The following PDE8A variants were observed in gnomAD, a reference collection of about 807,000 sequenced individuals.
The protein encoded by PDE8A is high affinity cAMP-specific and IBMX-insensitive 3',5'-cyclic phosphodiesterase 8A.
A neutral mutation model predicts 105.0 loss-of-function variants in PDE8A; 59 were observed. That is an observed-to-expected ratio of 0.56 (90% CI 0.46 to 0.70). The LOEUF (loss-of-function observed/expected upper bound fraction) is 0.70. Ranked by LOEUF, PDE8A falls within the 30% of genes least tolerant of loss-of-function variation. The pLI, the probability that PDE8A is intolerant of heterozygous loss-of-function variation, is 0.00. For missense variants in PDE8A, 1,014 were observed against 1,045.9 expected, an observed-to-expected ratio of 0.97 and a Z score of 0.42; for synonymous variants, 355 against 371.9, an observed-to-expected ratio of 0.95 and a Z score of 0.52.
chr15:85,058,143 C>T (rs1489476766), intron 1 of PDE8A, among the ~76,000 whole-genome samples: 1 of 152,182 alleles, frequency 6.6e-6, no homozygotes, highest in Non-Finnish European at 1.5e-5. Flanking sequence ...TGTAGTGGCA[C>T]AGTCTTGTCT....
At chr15:85,090,965 A>T in intron 7 of PDE8A, 79 bp from the exon 8 acceptor site, 2 of 1,298,100 alleles carry the variant, frequency 1.5e-6, no homozygotes, top group Non-Finnish European at 2.2e-6. Flanking sequence ...TGAAGGGCTT[A>T]GGTCGAAGAC....
chr15:85,122,356 A>G (rs2141625425), intron 18 of PDE8A, among the ~76,000 whole-genome samples: 1 of 152,346 alleles, frequency 6.6e-6, no homozygotes, highest in South Asian at 2.1e-4. Flanking sequence ...GTCATGAAGA[A>G]TACTTATTAA....
At chr15:85,032,379 A>G (rs1179282562) in intron 1 of PDE8A, among the ~76,000 whole-genome samples, 1 of 152,200 alleles carries the variant, frequency 6.6e-6, no homozygotes, top group African/African-American at 2.4e-5. Flanking sequence ...TAAATGAGAA[A>G]CCAGGGAAAG....
At chr15:84,983,414 A>G (rs1335019461) in intron 1 of PDE8A, among the ~76,000 whole-genome samples, 2 of 152,152 alleles carry the variant, frequency 1.3e-5, no homozygotes, top group Admixed American at 6.5e-5. Flanking sequence ...AGTTTGAGGG[A>G]TATAGTTTGA....
intron 1 of PDE8A, among the ~76,000 whole-genome samples, chr15:85,019,933 T>A (rs1444578286): frequency 7.0e-6 from 1 of 141,874 alleles, no homozygotes; most frequent in Non-Finnish European, 1.5e-5. Flanking sequence ...TTTGGGGGAG[T>A]TTTTTTTTGG....
chr15:84,995,224 C>G (rs776603326), intron 1 of PDE8A, among the ~76,000 whole-genome samples: 1 of 152,184 alleles, frequency 6.6e-6, no homozygotes, highest in East Asian at 1.9e-4. Context: ...ATTGGACAAT[C>G]TCTTCTTGCA....
intron 1 of PDE8A, among the ~76,000 whole-genome samples, chr15:85,043,347 G>T (rs1189142651): frequency 6.6e-6 from 1 of 152,154 alleles, no homozygotes; most frequent in Non-Finnish European, 1.5e-5. Flanking sequence ...AGATGAATAG[G>T]CAAGTGATCA....
chr15:84,990,750 G>A (rs1489885165), intron 1 of PDE8A, among the ~76,000 whole-genome samples: 1 of 152,214 alleles, frequency 6.6e-6, no homozygotes, highest in Non-Finnish European at 1.5e-5. Flanking sequence ...ATACCAAGAG[G>A]TGAAATTGCT....
intron 9 of PDE8A, among the ~76,000 whole-genome samples, chr15:85,098,494 A>G (rs1399064570): frequency 6.6e-6 from 1 of 152,234 alleles, no homozygotes; most frequent in East Asian, 1.9e-4. Flanking sequence ...GGAAACCAGT[A>G]TATATCAGGA....
chr15:85,134,464 C>T (rs2082374829), intron 20 of PDE8A, among the ~76,000 whole-genome samples: 1 of 152,110 alleles, frequency 6.6e-6, no homozygotes, highest in Admixed American at 6.5e-5. Context: ...GTAGGGCTGA[C>T]TGCTTTTCTT....
intron 1 of PDE8A, among the ~76,000 whole-genome samples, chr15:85,024,911 A>G (rs749898523): frequency 6.0e-4 from 91 of 152,318 alleles, no homozygotes; most frequent in Admixed American, 3.9e-4. Context: ...CTCCAGATAC[A>G]GTTTTTCAGA....
chr15:85,025,931 G>C (rs1456304000), intron 1 of PDE8A, among the ~76,000 whole-genome samples: 5 of 152,094 alleles, frequency 3.3e-5, no homozygotes, highest in African/African-American at 1.2e-4. Flanking sequence ...TCTGTAATCT[G>C]CTTTACCCCA....
chr15:85,040,312 C>T (rs2080781117), intron 1 of PDE8A, among the ~76,000 whole-genome samples: 1 of 132,980 alleles, frequency 7.5e-6, no homozygotes, highest in Non-Finnish European at 1.6e-5. Context: ...CACCTTGGCG[C>T]CTCCCAAAGT....
chr15:85,048,860 G>A (rs555936666), intron 1 of PDE8A, among the ~76,000 whole-genome samples: 12 of 152,280 alleles, frequency 7.9e-5, no homozygotes, highest in African/African-American at 2.9e-4. Flanking sequence ...CAGTACTTTG[G>A]GAGGCCAAGG....
At chr15:85,095,523 T>C (rs2081731832) in intron 8 of PDE8A, among the ~76,000 whole-genome samples, 2 of 152,066 alleles carry the variant, frequency 1.3e-5, no homozygotes, top group South Asian at 4.1e-4. Context: ...TTTGTACTTT[T>C]AGCAGATACG....
At position 85,114,086 on chromosome 15, in the gene PDE8A, T is replaced by C; in HGVS notation, c.1350+49T>C. On this transcript the variant is annotated intron_variant, in intron 14 of 21. Coordinates refer to ENST00000394553, the MANE Select transcript of PDE8A (RefSeq NM_002605.3). ...TGGCTAGAGCCTGTCTGTTCTTGGTTGTTTTCTCAGAGGTTATTCACTTAA... is the reference window on the plus strand; with the variant it reads ...TGGCTAGAGCCTGTCTGTTCTTGGTCGTTTTCTCAGAGGTTATTCACTTAA... 3 of 1,529,180 alleles carry C rather than the reference T, an allele frequency of 2.0e-6. No individual in the cohort carries two copies. In the East Asian group the frequency reaches 6.8e-5, roughly 34 times the overall value. 94.7% of individuals were successfully genotyped at this position (1,529,180 alleles called of 1,614,324 possible). A position where few individuals can be genotyped will look rare whatever the true frequency, so the allele number is the denominator to read the frequency against.
Position 85,089,399 on chromosome 15 carries a change from G to A in PDE8A, c.697G>A (p.Glu233Lys), listed in dbSNP as rs559637860. ...NSEDAIEITSEDRFIQYANPA... is the reference protein window; with the variant it reads ...NSEDAIEITSKDRFIQYANPA... ...TGAAGATGCAATTGAAATTACAAGC[G>A]AAGACCGTTTTATACAGGTTTGTTA... is the stretch of plus-strand genomic sequence containing the variant. Residue 233 changes from glutamate to lysine, a missense_variant, in exon 7 of 22, where the codon GAA becomes AAA. By Grantham distance (56) the Glu-to-Lys change is moderately conservative (BLOSUM62 1). Transcript: ENST00000394553. 20 of 1,583,732 alleles carry A rather than the reference G, an allele frequency of 1.3e-5. No homozygotes were observed. The highest frequency in any genetic ancestry group is 3.4e-5 in the South Asian group (3 of 89,224).
chr15:85,081,739 AAC>A (rs2081469899), intron 5 of PDE8A, among the ~76,000 whole-genome samples: 1 of 152,182 alleles, frequency 6.6e-6, no homozygotes, highest in Non-Finnish European at 1.5e-5. Flanking sequence ...ACAGTGTTTA[AAC>A]ACGCATAGCA....
At chr15:85,135,903 C>A (rs2082401988) in intron 20 of PDE8A, among the ~76,000 whole-genome samples, 1 of 151,836 alleles carries the variant, frequency 6.6e-6, no homozygotes, top group Non-Finnish European at 1.5e-5. Context: ...GTGTTCAGAA[C>A]CTTTTCAAAA....
Sources: gnomAD v4.1 joint callset for allele counts (sites outside exome capture counted in the v4.1 genomes callset) on GRCh38, gnomAD v4.1.1 for gene constraint, MANE v1.5 for transcripts, NCBI Gene and HGNC (gene_info 2026-07-23, HGNC 2026-07-21) for gene names.